Variants in CCDC78 observed in about 807,000 individuals in gnomAD.
CCDC78 encodes the protein coiled-coil domain-containing protein 78.
Under a neutral mutation model 61.9 loss-of-function variants are expected in CCDC78, and 78 were observed. The observed-to-expected ratio is 1.26, with a 90% CI of 1.05 to 1.52. The LOEUF is 1.52. Among genes scored for constraint, CCDC78 ranks in the 40% most tolerant of loss-of-function variants. The pLI, the probability that CCDC78 is intolerant of heterozygous loss-of-function variation, is 0.00. For synonymous variants in CCDC78, 287 were observed against 251.9 expected, an observed-to-expected ratio of 1.14 and a Z score of -1.32; for missense variants, 737 against 615.5, an observed-to-expected ratio of 1.20 and a Z score of -2.09.
intron 3 of CCDC78, 79 bp downstream of exon 3, chr16:725,715 C>T (rs1204313688): frequency 1.9e-6 from 3 of 1,571,910 alleles, no homozygotes; most frequent in Non-Finnish European, 2.6e-6. Flanking sequence ...TGTGCGTGTG[C>T]ATGCCCATGC....
At position 723,129 on chromosome 16, in the gene CCDC78, T is replaced by C; in HGVS notation, c.1166A>G (p.His389Arg). Residue 389 changes from histidine to arginine, a missense_variant, in exon 12 of 14, where the codon CAC becomes CGC. Coordinates refer to ENST00000345165, the MANE Select transcript of CCDC78 (RefSeq NM_001378030.1). The stretch of plus-strand genomic sequence containing the variant: ...GCGGGAGAAGTCCCGGAGCTTCTGG[T>C]GGATCTGGGCCCAGGATGCAGCGTC... Reference protein sequence around the residue: ...GLDAASWAQIHQKLRDFSRST... With the variant: ...GLDAASWAQIRQKLRDFSRST... 1 of 1,612,600 alleles carries C rather than the reference T, an allele frequency of 6.2e-7. No individual in the cohort carries two copies. Among genetic ancestry groups the C allele is most frequent in the Non-Finnish European group, 8.5e-7 (1 of 1,179,972 alleles).
chr16:722,779 C>A lies in CCDC78; in HGVS notation c.1312G>T (p.Glu438Ter). ...VDQHLGRYKH[E>*]ILRLRKLAGA... ...GCCAGCTTCCTCAGCCTCAGGATTT[C>A]GTGCTTGTACCTGCTCAGAGGAACC... Residue 438 changes from glutamate (E) to a stop codon, truncating the protein, a stop_gained, in exon 14 of 14, where the codon GAA becomes TAA. Coordinates refer to ENST00000345165, the MANE Select transcript of CCDC78 (RefSeq NM_001378030.1). LOFTEE classifies it low-confidence loss of function (END_TRUNC). 6.2e-7 allele frequency: 1 copy of A among 1,612,626 alleles called. No homozygotes were observed. The highest frequency in any genetic ancestry group is 8.5e-7 in the Non-Finnish European group (1 of 1,179,968).
At position 724,266 on chromosome 16, in the gene CCDC78, C is replaced by T. The variant is rs201136331; in HGVS notation, c.953+56G>A. On this transcript the variant is annotated intron_variant, in intron 9 of 13. Coordinates refer to ENST00000345165, the MANE Select transcript of CCDC78 (RefSeq NM_001378030.1). The stretch of plus-strand genomic sequence containing the variant: ...CCTGCTGCACACCAAGCCTTTGAGG[C>T]ACAGAGGCTTAGAGACCCACAGATG... 3.7e-4 allele frequency: 585 copies of T among 1,591,286 alleles called. 14 individuals carry two copies. The South Asian group carries it at 4.6e-3, about 12-fold the overall frequency.
Position 722,729 on chromosome 16 carries a change from CA to C in CCDC78, c.1361del (p.Val454GlyfsTer42). 6.2e-7 allele frequency: 1 copy of C among 1,611,518 alleles called. No individual in the cohort carries two copies. Among genetic ancestry groups the C allele is most frequent in the Non-Finnish European group, 8.5e-7 (1 of 1,179,948 alleles). ...GGGGCTTGGCTGGAGGCACAGCCCC[CA>C]CTTTCCAGGGGTCCCCTGCACCTGC... Reference protein sequence around the residue: ...KLAGAGDPWKVGAVPPAKPQH... With the variant: ...KLAGAGDPWKXGAVPPAKPQH... On this transcript the variant is annotated frameshift_variant, in exon 14 of 14. Coordinates refer to ENST00000345165, the MANE Select transcript of CCDC78 (RefSeq NM_001378030.1). LOFTEE classifies it low-confidence loss of function (END_TRUNC).
intron 13 of CCDC78, 47 bp from the exon 14 acceptor site, chr16:722,836 G>A (rs2040336864): frequency 6.2e-7 from 1 of 1,609,652 alleles, no homozygotes; most frequent in Non-Finnish European, 8.5e-7. Flanking sequence ...CTGTGGACAG[G>A]TCTGCTTTTA....
chr16:722,985 C>G lies in CCDC78; in HGVS notation c.1238G>C (p.Arg413Pro). ...AAGTTGCTCTTCAGCCATCGTGGCCCGGACCAGCAGCTGTGCCCGCTCCCG... is the reference window on the plus strand; with the variant it reads ...AAGTTGCTCTTCAGCCATCGTGGCCGGGACCAGCAGCTGTGCCCGCTCCCG... ...LERERAQLLV[R>P]ATMAEEQLSE... Residue 413 changes from arginine (R) to proline (P), a missense_variant, in exon 13 of 14, where the codon CGG becomes CCG. Arg to Pro is a moderately radical substitution (Grantham distance 103, BLOSUM62 -2). Coordinates refer to ENST00000345165, the MANE Select transcript of CCDC78 (RefSeq NM_001378030.1). 6.2e-7 allele frequency: 1 copy of G among 1,612,442 alleles called. No homozygotes were observed.
Position 724,767 on chromosome 16 carries a change from C to A in CCDC78, c.679G>T (p.Ala227Ser). 6.2e-7 allele frequency: 1 copy of A among 1,612,110 alleles called. No individual in the cohort carries two copies. The highest frequency in any genetic ancestry group is 8.5e-7 in the Non-Finnish European group (1 of 1,179,774). ...TGCAGCTGCAGCCGGGCATTTTCAGCCTCTGCCTGACGGAGCTGGCCTTGG... is the reference window on the plus strand; with the variant it reads ...TGCAGCTGCAGCCGGGCATTTTCAGACTCTGCCTGACGGAGCTGGCCTTGG... Reference protein sequence around the residue: ...SCQGQLRQAEAENARLQLQLK... With the variant: ...SCQGQLRQAESENARLQLQLK... The change falls in exon 8 of 14, where the codon GCT (alanine) becomes TCT (serine). Residue 227 changes from alanine (A) to serine (S), a missense_variant. Physicochemically the swap from Ala to Ser is moderately conservative, Grantham distance 99 (BLOSUM62 1). Transcript: ENST00000345165.
Position 726,086 on chromosome 16 carries a change from C to A in CCDC78, c.61-1G>T. 6.5e-7 allele frequency: 1 copy of A among 1,549,052 alleles called. No homozygotes were observed. The highest frequency in any genetic ancestry group is 1.2e-5 in the South Asian group (1 of 84,056). ...GCCAGTCCTTGGCTCGTAGCACAAC[C>A]TGGGGAGGTACCGCCACCCATTCCC... is the stretch of plus-strand genomic sequence containing the variant. On this transcript the variant is annotated splice_acceptor_variant, in intron 1 of 13. Coordinates refer to ENST00000345165, the MANE Select transcript of CCDC78 (RefSeq NM_001378030.1). LOFTEE classifies it high-confidence loss of function.
In CCDC78 at chr16:724,919, G is replaced by C; in HGVS notation, c.631C>G (p.Gln211Glu). 2 of 1,603,606 alleles carry C rather than the reference G, an allele frequency of 1.2e-6. No homozygotes were observed. The highest frequency in any genetic ancestry group is 1.7e-6 in the Non-Finnish European group (2 of 1,175,840). The change falls in exon 7 of 14, where the codon CAG (glutamine) becomes GAG (glutamate). Residue 211 changes from glutamine (Q) to glutamate (E), a missense_variant. Physicochemically the swap from Gln to Glu is conservative, Grantham distance 29 (BLOSUM62 2). Coordinates refer to ENST00000345165, the MANE Select transcript of CCDC78 (RefSeq NM_001378030.1). ...TCAGGGCAGAGCCTCACCACAGCCT[G>C]TGTGGCCAGTCGCTGCCCGGCTGCC... ...ARAAGQRLAT[Q>E]AVVLCSCQGQ... is the part of the protein sequence containing the mutation.
rs183513342 is a variant in CCDC78, at chr16:724,101, C to T, written c.1053+5G>A. On this transcript the variant is annotated splice_donor_5th_base_variant and intron_variant, in intron 10 of 13. Transcript: ENST00000345165. ...CCTGGAGCTTCTGGGGGTCTCTAGC[C>T]TCACCTGGTCCTCCCGATGGCTGAA... 7.6e-6 allele frequency: 12 copies of T among 1,587,664 alleles called. No homozygotes were observed. The East Asian group carries it at 1.1e-4, about 15-fold the overall frequency.
intron 11 of CCDC78, chr16:723,487 AG>A: frequency 1.5e-6 from 1 of 676,918 alleles, no homozygotes; most frequent in South Asian, 1.5e-5. Context: ...GTCCTTGGGG[AG>A]CCCTGCCCAT....
chr16:726,132 C>T (rs1477303144), intron 1 of CCDC78, 47 bp from the exon 2 acceptor site: 48 of 1,549,876 alleles, frequency 3.1e-5, no homozygotes, highest in Non-Finnish European at 3.8e-5. Context: ...CCAGGCTGGG[C>T]TGTGGCCCCA....
Position 723,128 on chromosome 16 carries a change from G to T in CCDC78, c.1167C>A (p.His389Gln). Residue 389 changes from histidine to glutamine, a missense_variant, in exon 12 of 14, where the codon CAC becomes CAA. Transcript: ENST00000345165. ...TGCGGGAGAAGTCCCGGAGCTTCTG[G>T]TGGATCTGGGCCCAGGATGCAGCGT... is the stretch of plus-strand genomic sequence containing the variant. ...GLDAASWAQIHQKLRDFSRST... is the reference protein window; with the variant it reads ...GLDAASWAQIQQKLRDFSRST... The T allele has an allele frequency of 6.2e-7, 1 of 1,612,698 alleles. No individual in the cohort carries two copies. The highest frequency in any genetic ancestry group is 8.5e-7 in the Non-Finnish European group (1 of 1,180,000).
At position 725,791 on chromosome 16, in the gene CCDC78, C is replaced by A; in HGVS notation, c.267+3G>T. 1.2e-6 allele frequency: 2 copies of A among 1,604,146 alleles called. No homozygotes were observed. The highest frequency in any genetic ancestry group is 8.5e-7 in the Non-Finnish European group (1 of 1,175,072). On this transcript the variant is annotated splice_donor_region_variant and intron_variant, in intron 3 of 13. Transcript: ENST00000345165. The stretch of plus-strand genomic sequence containing the variant: ...ACTGAGGCTGGTTCACACGGCTGCT[C>A]ACCTCACTCTTCAGCTGGAAGATTT...
Position 723,126 on chromosome 16 carries a change from T to C in CCDC78, c.1169A>G (p.Gln390Arg). ...LDAASWAQIH[Q>R]KLRDFSRSTQ... ...GCTGCGGGAGAAGTCCCGGAGCTTC[T>C]GGTGGATCTGGGCCCAGGATGCAGC... Residue 390 changes from glutamine to arginine, a missense_variant, in exon 12 of 14, where the codon CAG becomes CGG. Gln to Arg is a conservative substitution (Grantham distance 43). Transcript: ENST00000345165. 1 of 1,612,658 alleles carries C rather than the reference T, an allele frequency of 6.2e-7. No individual in the cohort carries two copies. The highest frequency in any genetic ancestry group is 1.1e-5 in the South Asian group (1 of 91,088).
chr16:724,612 T>C, intron 8 of CCDC78, 69 bp downstream of exon 8: 8 of 1,575,884 alleles, frequency 5.1e-6, no homozygotes, highest in Non-Finnish European at 6.9e-6. Context: ...GGGGTCTCCC[T>C]GAAGCTATCC....
intron 13 of CCDC78, 26 bp from the exon 14 acceptor site, chr16:722,815 G>A (rs748850336): frequency 6.2e-7 from 1 of 1,611,516 alleles, no homozygotes. Context: ...ATGCTTAAGT[G>A]ACTTGCCCAG....
intron 11 of CCDC78, chr16:723,590 G>A (rs1307124789): frequency 8.7e-6 from 6 of 687,454 alleles, no homozygotes; most frequent in Middle Eastern, 2.3e-4. Context: ...AGGTCTCAGC[G>A]GAAACCTCCC....
In CCDC78 at chr16:724,779, G is replaced by A. The variant is rs200893683; in HGVS notation, c.667C>T (p.Arg223Cys). Reference protein sequence around the residue: ...VVLCSCQGQLRQAEAENARLQ... With the variant: ...VVLCSCQGQLCQAEAENARLQ... ...CGGGCATTTTCAGCCTCTGCCTGACGGAGCTGGCCTTGGCAGCTGCACAGC... is the reference window on the plus strand; with the variant it reads ...CGGGCATTTTCAGCCTCTGCCTGACAGAGCTGGCCTTGGCAGCTGCACAGC... Residue 223 changes from arginine to cysteine, a missense_variant, in exon 8 of 14, where the codon CGT becomes TGT. Physicochemically the swap from Arg to Cys is radical, Grantham distance 180. Coordinates refer to ENST00000345165, the MANE Select transcript of CCDC78 (RefSeq NM_001378030.1). 18 of 1,611,960 alleles carry A rather than the reference G, an allele frequency of 1.1e-5. No individual in the cohort carries two copies. The highest frequency in any genetic ancestry group is 1.1e-4 in the East Asian group (5 of 44,886).
Sources: gnomAD v4.1 joint callset for allele counts on GRCh38, gnomAD v4.1.1 for gene constraint, MANE v1.5 for transcripts, NCBI Gene and HGNC (gene_info 2026-07-23, HGNC 2026-07-21) for gene names.